ANO2: variants seen among roughly 807,000 people sequenced by gnomAD.
ANO2 encodes the protein anoctamin-2.
Under a neutral mutation model 124.2 loss-of-function variants are expected in ANO2, and 101 were observed. That is an observed-to-expected ratio of 0.81 (90% CI 0.69 to 0.96). The LOEUF is 0.96. ANO2 is among the 40% of genes least tolerant of loss of function. The probability of loss-of-function intolerance (pLI) is 0.00; values close to 1 mark genes in which losing one functional copy is unlikely to be tolerated. For synonymous variants in ANO2, 486 were observed against 482.5 expected (o/e 1.01, Z -0.09); for missense variants, 1,293 against 1,274.5 (o/e 1.01, Z -0.22).
At chr12:5,574,162 T>C (rs1356239835) in intron 23 of ANO2, among the ~76,000 whole-genome samples, 1 of 152,234 alleles carries the variant, frequency 6.6e-6, no homozygotes, top group African/African-American at 2.4e-5. Context: ...CTGATTTATA[T>C]ATATGAGGTA....
chr12:5,614,611 C>T (rs1944704691), intron 17 of ANO2, among the ~76,000 whole-genome samples: 1 of 152,216 alleles, frequency 6.6e-6, no homozygotes. Context: ...ATTTACATCC[C>T]TCTACTACTA....
chr12:5,708,707 G>A (rs531010614), intron 14 of ANO2, among the ~76,000 whole-genome samples: 15 of 152,302 alleles, frequency 9.8e-5, no homozygotes, highest in African/African-American at 3.6e-4. Context: ...ATGTTATAAA[G>A]ATTAAAACTG....
chr12:5,863,098 G>A (rs1955321997), intron 3 of ANO2, among the ~76,000 whole-genome samples: 1 of 152,094 alleles, frequency 6.6e-6, no homozygotes, highest in South Asian at 2.1e-4. Flanking sequence ...TCCCACCCAC[G>A]TGGAACTGTG....
intron 7 of ANO2, among the ~76,000 whole-genome samples, chr12:5,822,908 G>C (rs550639556): frequency 6.6e-6 from 1 of 152,326 alleles, no homozygotes; most frequent in East Asian, 1.9e-4. Context: ...GCAGTGGCAA[G>C]AGGGCAAGAG....
chr12:5,657,393 G>A (rs1947212050), intron 14 of ANO2, among the ~76,000 whole-genome samples: 1 of 152,172 alleles, frequency 6.6e-6, no homozygotes, highest in Non-Finnish European at 1.5e-5. Flanking sequence ...CTGGCTTGAG[G>A]AGACATGAAT....
intron 15 of ANO2, among the ~76,000 whole-genome samples, chr12:5,640,790 T>G (rs757145881): frequency 6.6e-5 from 10 of 152,144 alleles, no homozygotes; most frequent in Non-Finnish European, 1.2e-4. Flanking sequence ...CGTGAACTAG[T>G]TCAACGATTG....
Position 5,847,827 on chromosome 12 carries a change from C to G in ANO2, c.633+6216G>C, listed in dbSNP as rs142509562. 2.3e-3 allele frequency among the ~76,000 whole-genome samples: 355 copies of G among 152,250 alleles called. 3 individuals carry two copies. Among genetic ancestry groups the G allele is most frequent in the African/African-American group, 8.3e-3 (345 of 41,532 alleles). Reference sequence around the variant, plus strand: ...TGTGGAAACACCAATTTTTTTCACACTGATAAATAATGCTTAATAGCAATT... The same window carrying G: ...TGTGGAAACACCAATTTTTTTCACAGTGATAAATAATGCTTAATAGCAATT... On this transcript the variant is annotated intron_variant, in intron 4 of 24. Transcript: ENST00000682330.
intron 14 of ANO2, among the ~76,000 whole-genome samples, chr12:5,721,067 C>G (rs895061969): frequency 1.3e-5 from 2 of 152,170 alleles, no homozygotes; most frequent in African/African-American, 4.8e-5. Context: ...AAGCCCGAAC[C>G]ACGCTGGAGA....
chr12:5,642,899 T>C (rs1227798996), intron 15 of ANO2, among the ~76,000 whole-genome samples: 1 of 152,214 alleles, frequency 6.6e-6, no homozygotes, highest in African/African-American at 2.4e-5. Context: ...CTGTTTCCTC[T>C]GCCCAGAATG....
chr12:5,732,840 A>T, intron 13 of ANO2: 1 of 1,613,660 alleles, frequency 6.2e-7, no homozygotes, highest in Non-Finnish European at 8.5e-7. Context: ...GACACACAAC[A>T]CTCGTTATCA....
intron 4 of ANO2, among the ~76,000 whole-genome samples, chr12:5,843,716 T>C (rs916726431): frequency 2.6e-5 from 4 of 152,154 alleles, no homozygotes; most frequent in South Asian, 2.1e-4. Context: ...CCGAATTTCA[T>C]AGGGCCAGTG....
chr12:5,918,825 T>G (rs1457802314), intron 3 of ANO2, among the ~76,000 whole-genome samples: 1 of 152,196 alleles, frequency 6.6e-6, no homozygotes, highest in Non-Finnish European at 1.5e-5. Flanking sequence ...TGATGAGCAT[T>G]TATTGAGCAC....
chr12:5,681,278 C>T (rs1010696615), intron 14 of ANO2, among the ~76,000 whole-genome samples: 7 of 152,222 alleles, frequency 4.6e-5, no homozygotes, highest in Non-Finnish European at 8.8e-5. Context: ...TCAGTGTTAT[C>T]TTCTGTAAAG....
At chr12:5,732,460 A>G in intron 14 of ANO2, 60 bp downstream of exon 14, 1 of 1,479,070 alleles carries the variant, frequency 6.8e-7, no homozygotes. Context: ...GTGCCAAACA[A>G]AATGACAACA....
At chr12:5,779,695 G>A (rs1324114618) in intron 10 of ANO2, among the ~76,000 whole-genome samples, 7 of 152,188 alleles carry the variant, frequency 4.6e-5, no homozygotes, top group South Asian at 4.1e-4. Flanking sequence ...GCAACGGCAC[G>A]CACCTCCTCT....
chr12:5,871,543 G>A (rs1937697053), intron 3 of ANO2, among the ~76,000 whole-genome samples: 1 of 152,168 alleles, frequency 6.6e-6, no homozygotes, highest in Non-Finnish European at 1.5e-5. Flanking sequence ...TGTCAGATAA[G>A]CAGCAGTATT....
At chr12:5,842,288 C>T (rs1229365261) in intron 4 of ANO2, among the ~76,000 whole-genome samples, 1 of 152,172 alleles carries the variant, frequency 6.6e-6, no homozygotes, top group Non-Finnish European at 1.5e-5. Context: ...AGCAAAGTAC[C>T]TGGTGTATGG....
intron 1 of ANO2, among the ~76,000 whole-genome samples, chr12:5,940,845 C>T (rs994221415): frequency 6.6e-6 from 1 of 152,146 alleles, no homozygotes; most frequent in African/African-American, 2.4e-5. Flanking sequence ...AAAACTAGGA[C>T]ACACAAATGC....
intron 14 of ANO2, among the ~76,000 whole-genome samples, chr12:5,695,027 A>G (rs553389708): frequency 1.3e-5 from 2 of 152,304 alleles, no homozygotes; most frequent in Admixed American, 1.3e-4. Flanking sequence ...TAAGTGCTAC[A>G]TAAGTGTCTG....
Sources: allele counts gnomAD v4.1 joint callset (sites outside exome capture counted in the v4.1 genomes callset), GRCh38; gene constraint gnomAD v4.1.1; transcripts MANE v1.5; gene names NCBI Gene and HGNC (gene_info 2026-07-23, HGNC 2026-07-21).